Variants in DYNC2I1 observed in about 807,000 individuals in gnomAD.
DYNC2I1 encodes the protein cytoplasmic dynein 2 intermediate chain 1.
DYNC2I1 carries 89 observed loss-of-function variants against 133.4 expected under a neutral mutation model. The observed-to-expected ratio is 0.67, with a 90% CI of 0.56 to 0.80. DYNC2I1 has a LOEUF of 0.80. Among genes scored for constraint, DYNC2I1 ranks in the 30% least tolerant of loss-of-function variants. DYNC2I1 has a pLI of 0.00. For missense variants in DYNC2I1, 1,291 were observed against 1,314.5 expected (o/e 0.98, Z 0.28); for synonymous variants, 504 against 484.3 (o/e 1.04, Z -0.54).
At chr7:158,845,740 A>C in the DYNC2I1 span, among the ~76,000 whole-genome samples, 6 of 152,246 alleles carry the variant, frequency 3.9e-5, no homozygotes, top group Admixed American at 3.9e-4. Context: ...TTTCATAAGC[A>C]ATCTAGATAA....
intron 12 of DYNC2I1, among the ~76,000 whole-genome samples, chr7:158,912,166 C>A (rs542206636): frequency 6.6e-6 from 1 of 152,182 alleles, no homozygotes; most frequent in African/African-American, 2.4e-5. Context: ...TAGTGACTTA[C>A]AATGAATTCT....
chr7:158,844,221 A>G, the DYNC2I1 span, among the ~76,000 whole-genome samples: 1 of 152,306 alleles, frequency 6.6e-6, no homozygotes, highest in East Asian at 1.9e-4. Flanking sequence ...TCCTTTCACA[A>G]AGGGAAATAC....
chr7:158,840,549 A>G, the DYNC2I1 span, among the ~76,000 whole-genome samples: 4 of 152,368 alleles, frequency 2.6e-5, no homozygotes, highest in South Asian at 8.3e-4. Flanking sequence ...CCTGGGTGAC[A>G]GAGCAAGACT....
intron 15 of DYNC2I1, among the ~76,000 whole-genome samples, 183 bp from the exon 16 acceptor site, chr7:158,922,194 A>G (rs1456229004): frequency 6.6e-6 from 1 of 152,206 alleles, no homozygotes; most frequent in Non-Finnish European, 1.5e-5. Flanking sequence ...CAGCTTGGAC[A>G]GAGTGTTGGG....
chr7:158,864,761 C>T (rs931156474), intron 1 of DYNC2I1, among the ~76,000 whole-genome samples: 1 of 152,182 alleles, frequency 6.6e-6, no homozygotes, highest in Non-Finnish European at 1.5e-5. Context: ...CTACCTCAGC[C>T]TAGCAAAGTG....
intron 4 of DYNC2I1, among the ~76,000 whole-genome samples, chr7:158,952,299 G>C (rs914582344): frequency 2.6e-5 from 4 of 152,204 alleles, no homozygotes; most frequent in Non-Finnish European, 5.9e-5. Flanking sequence ...GAGCACGGGA[G>C]GAGCAGCTCC....
At chr7:158,947,445 G>T (rs991135065), downstream of DYNC2I1, among the ~76,000 whole-genome samples, 7 of 152,286 alleles carry the variant, frequency 4.6e-5, 1 homozygote, top group Admixed American at 6.5e-5. Flanking sequence ...CCTCTTCTGG[G>T]CTTTGGTGTC....
intron 11 of DYNC2I1, among the ~76,000 whole-genome samples, chr7:158,906,406 A>G (rs1563144630): frequency 6.6e-6 from 1 of 152,208 alleles, no homozygotes. Context: ...TCAAGGGTCT[A>G]TTATACTAAG....
At chr7:158,839,610 G>GC in the DYNC2I1 span, among the ~76,000 whole-genome samples, 2 of 152,166 alleles carry the variant, frequency 1.3e-5, no homozygotes, top group Non-Finnish European at 2.9e-5. Flanking sequence ...ACGAGGTCAG[G>GC]AGATCGAGAC....
intron 5 of DYNC2I1, among the ~76,000 whole-genome samples, chr7:158,883,933 G>C (rs1254100835): frequency 6.6e-6 from 1 of 151,452 alleles, no homozygotes; most frequent in East Asian, 1.9e-4. Context: ...CAAAGTGCTG[G>C]GATTACAAGC....
intron 6 of DYNC2I1, among the ~76,000 whole-genome samples, chr7:158,886,148 T>G (rs1033533000): frequency 4.6e-5 from 7 of 152,014 alleles, no homozygotes; most frequent in African/African-American, 9.7e-5. Context: ...ATTTTTTGTT[T>G]TGTGATGGAG....
At chr7:158,922,647 G>A (rs554500053) in intron 16 of DYNC2I1, 98 bp downstream of exon 16, 27 of 1,240,212 alleles carry the variant, frequency 2.2e-5, no homozygotes, top group Non-Finnish European at 2.8e-5. Flanking sequence ...GAGGTGCAGG[G>A]ACAGGAGGTG....
In DYNC2I1 at chr7:158,875,877, C is replaced by T. The variant is rs116798179; in HGVS notation, c.491-732C>T. On this transcript the variant is annotated intron_variant, in intron 3 of 24. Coordinates refer to ENST00000407559, the MANE Select transcript of DYNC2I1 (RefSeq NM_018051.5). ...CTGTTCAGACTAAGCCCTGCTTCTG[C>T]GTGATATGCAGAAACCCTGAAGGCT... Among the ~76,000 whole-genome samples the T allele has an allele frequency of 7.0e-3, 1,072 of 152,258 alleles. 11 individuals carry two copies. The highest frequency in any genetic ancestry group is 0.024 in the African/African-American group (1,002 of 41,544).
At chr7:158,901,269 G>A (rs895793590) in intron 8 of DYNC2I1, among the ~76,000 whole-genome samples, 3 of 152,018 alleles carry the variant, frequency 2.0e-5, no homozygotes, top group Admixed American at 6.6e-5. Flanking sequence ...ATGCGGTTTC[G>A]CCATGTTGCC....
In DYNC2I1 at chr7:158,934,591, TG is replaced by T. The variant is rs755773012; in HGVS notation, c.2778+43del. ...TTCAGAGCTCCAATTCTTCTTTTTT[TG>T]TTTTTTGAGACAGGGTCTTGCTCTG... On this transcript the variant is annotated intron_variant, in intron 23 of 24. Coordinates refer to ENST00000407559, the MANE Select transcript of DYNC2I1 (RefSeq NM_018051.5). 5.2e-6 allele frequency: 8 copies of T among 1,540,988 alleles called. No homozygotes were observed. The African/African-American group carries it at 8.3e-5, about 16-fold the overall frequency.
intron 11 of DYNC2I1, among the ~76,000 whole-genome samples, chr7:158,910,273 A>C (rs1361385873): frequency 3.3e-5 from 5 of 151,954 alleles, no homozygotes; most frequent in African/African-American, 1.2e-4. Flanking sequence ...GCCTGTGGGC[A>C]GAGGGCCATC....
chr7:158,942,914 G>T (rs926389632), intron 24 of DYNC2I1, among the ~76,000 whole-genome samples: 2 of 152,204 alleles, frequency 1.3e-5, no homozygotes, highest in African/African-American at 4.8e-5. Flanking sequence ...TCGTTGCTTT[G>T]TTTGTTTCAC....
At chr7:158,911,816 G>A (rs1847509169) in intron 12 of DYNC2I1, 137 bp downstream of exon 12, 2 of 1,185,128 alleles carry the variant, frequency 1.7e-6, no homozygotes, top group Non-Finnish European at 1.1e-6. Flanking sequence ...AGGGAAAATG[G>A]GGACCCATCT....
At chr7:158,917,457 T>C (rs2527228) in intron 14 of DYNC2I1, among the ~76,000 whole-genome samples, 26 of 13,756 alleles carry the variant, frequency 1.9e-3, no homozygotes, top group Admixed American at 2.4e-3. Flanking sequence ...ACACCTCCTG[T>C]CCTCCACACT....
Sources: allele counts gnomAD v4.1 joint callset (sites outside exome capture counted in the v4.1 genomes callset), GRCh38; gene constraint gnomAD v4.1.1; transcripts MANE v1.5; gene names NCBI Gene and HGNC (gene_info 2026-07-23, HGNC 2026-07-21).